RBFOX1: variants seen among roughly 807,000 people sequenced by gnomAD.
RBFOX1 encodes the protein RNA binding protein fox-1 homolog 1.
RBFOX1 carries 8 observed loss-of-function variants against 57.7 expected under a neutral mutation model. The observed-to-expected ratio is 0.14, with a 90% CI of 0.08 to 0.25. The LOEUF is 0.25. RBFOX1 is among the 10% of genes least tolerant of loss of function. The pLI is 1.00. For synonymous variants in RBFOX1, 326 were observed against 222.4 expected, an observed-to-expected ratio of 1.47 and a Z score of -4.15; for missense variants, 611 against 548.5, an observed-to-expected ratio of 1.11 and a Z score of -1.14.
intron 2 of RBFOX1, among the ~76,000 whole-genome samples, chr16:6,338,777 T>C (rs1032919232): frequency 1.3e-5 from 2 of 152,238 alleles, no homozygotes; most frequent in African/African-American, 2.4e-5. Context: ...GTGACCATTA[T>C]TATGTTCACT....
rs1434280980 is a variant in RBFOX1, at chr16:5,425,102, TATC to T, written c.220-42113_220-42111del. On this transcript the variant is annotated intron_variant, in intron 1 of 2. Transcript: ENST00000585867. ...CTATCTATCTATCTATCTATCTATCTATCTATCTATCTATCTATCTTGAGACAG... is the reference window on the plus strand; with the variant it reads ...CTATCTATCTATCTATCTATCTATCTTATCTATCTATCTATCTTGAGACAG... 4.7e-5 allele frequency among the ~76,000 whole-genome samples: 7 copies of T among 148,990 alleles called. No individual in the cohort carries two copies. In the East Asian group the frequency reaches 7.9e-4, roughly 17 times the overall value.
intron 1 of RBFOX1, among the ~76,000 whole-genome samples, chr16:6,255,121 A>G (rs567952013): frequency 1.6e-3 from 244 of 152,284 alleles, no homozygotes; most frequent in African/African-American, 5.7e-3. Context: ...AGAGAGATAA[A>G]CAAGAAAGAA....
At chr16:6,598,838 C>A (rs959639917) in intron 2 of RBFOX1, among the ~76,000 whole-genome samples, 5 of 143,592 alleles carry the variant, frequency 3.5e-5, no homozygotes, top group African/African-American at 1.5e-4. Flanking sequence ...CCCAGCTACT[C>A]GGGAGGCTGA....
chr16:7,380,834 G>A (rs535385430), intron 4 of RBFOX1, among the ~76,000 whole-genome samples: 1 of 152,186 alleles, frequency 6.6e-6, no homozygotes, highest in Non-Finnish European at 1.5e-5. Flanking sequence ...AGAAGCAGGG[G>A]TCTTCTCCCT....
rs540735289 is a variant in RBFOX1 at position 5,442,782 on chromosome 16, T to C, written c.220-24434T>C. ...AAGCAGGTGCTGTCATTATTCCCTG[T>C]TGTGGACTGAATACTGTCTCTTCCC... On this transcript the variant is annotated intron_variant, in intron 1 of 2. Transcript: ENST00000585867. Among the ~76,000 whole-genome samples the C allele has an allele frequency of 7.9e-5, 12 of 152,306 alleles. No individual in the cohort carries two copies. In the East Asian group the frequency reaches 2.1e-3, roughly 27 times the overall value.
intron 3 of RBFOX1, among the ~76,000 whole-genome samples, chr16:6,901,272 TTCTG>T (rs1483309358): frequency 6.6e-6 from 1 of 152,196 alleles, no homozygotes; most frequent in Admixed American, 6.5e-5. Context: ...TGTTCATCTC[TTCTG>T]TCTAAGCCCA....
chr16:6,215,940 G>A (rs992949323), intron 1 of RBFOX1, among the ~76,000 whole-genome samples: 12 of 152,168 alleles, frequency 7.9e-5, no homozygotes, highest in Non-Finnish European at 8.8e-5. Context: ...TAACTGGGAA[G>A]ATCACAGCCG....
intron 4 of RBFOX1, among the ~76,000 whole-genome samples, chr16:7,191,658 G>T (rs912276155): frequency 6.6e-6 from 1 of 152,182 alleles, no homozygotes; most frequent in African/African-American, 2.4e-5. Context: ...ATTACAGTGC[G>T]TGTTTCCGTC....
rs570895324 is a variant in RBFOX1 at position 7,405,464 on chromosome 16, T to C, written c.28-112683T>C. ...CCGGGCGAAGTGTGTTCCCAGCTGC[T>C]CTGGAACACTCGGGCTGTTCTGAAG... On this transcript the variant is annotated intron_variant, in intron 4 of 15. Transcript: ENST00000550418. 7.2e-5 allele frequency among the ~76,000 whole-genome samples: 11 copies of C among 152,304 alleles called. No homozygotes were observed. In the East Asian group the frequency reaches 1.9e-3, roughly 27 times the overall value.
At position 6,392,542 on chromosome 16, in the gene RBFOX1, A is replaced by G. The variant is rs186400997; in HGVS notation, c.-64+75485A>G. Among the ~76,000 whole-genome samples, 146 of 152,334 alleles carry G rather than the reference A, an allele frequency of 9.6e-4. 2 individuals are homozygous for G. The highest frequency in any genetic ancestry group is 1.7e-3 in the Non-Finnish European group (118 of 68,036). ...TAAAGTTAAAGCTAAATGTCATTGT[A>G]TTCTATGCTTGCTGTAAGGTCAAAA... On this transcript the variant is annotated intron_variant, in intron 2 of 15. Coordinates refer to ENST00000550418, the MANE Select transcript of RBFOX1 (RefSeq NM_018723.4).
chr16:7,160,314 C>G (rs958799172), intron 4 of RBFOX1, among the ~76,000 whole-genome samples: 25 of 152,092 alleles, frequency 1.6e-4, no homozygotes, highest in African/African-American at 6.0e-4. Flanking sequence ...GTCTTCTGGA[C>G]TTTGACTGCC....
intron 11 of RBFOX1, among the ~76,000 whole-genome samples, chr16:7,652,632 T>A (rs1397378121): frequency 6.6e-6 from 1 of 152,152 alleles, no homozygotes; most frequent in East Asian, 1.9e-4. Flanking sequence ...GGTCTCGAAC[T>A]CCTGACCTCA....
At chr16:5,438,665 TC>T (rs1195021883) in intron 1 of RBFOX1, among the ~76,000 whole-genome samples, 11 of 152,094 alleles carry the variant, frequency 7.2e-5, no homozygotes, top group Admixed American at 4.6e-4. Context: ...AATTGCACCC[TC>T]TTATGGGAAG....
At chr16:7,625,493 T>A (rs7200228) in intron 10 of RBFOX1, among the ~76,000 whole-genome samples, 2 of 151,932 alleles carry the variant, frequency 1.3e-5, no homozygotes, top group African/African-American at 4.8e-5. Flanking sequence ...ACTTCCTGCA[T>A]GGGGGCCCCA....
At chr16:6,797,492 C>T (rs2084355930) in intron 3 of RBFOX1, among the ~76,000 whole-genome samples, 1 of 152,120 alleles carries the variant, frequency 6.6e-6, no homozygotes, top group Admixed American at 6.6e-5. Flanking sequence ...CCAGTACAAG[C>T]CTAATGTTGC....
At chr16:7,164,958 C>T (rs2079114724) in intron 4 of RBFOX1, among the ~76,000 whole-genome samples, 1 of 152,098 alleles carries the variant, frequency 6.6e-6, no homozygotes, top group Non-Finnish European at 1.5e-5. Flanking sequence ...GAGTTGGCAG[C>T]GTGTATCACA....
At chr16:5,916,867 C>T (rs545909212) in intron 4 of RBFOX1, among the ~76,000 whole-genome samples, 8 of 152,090 alleles carry the variant, frequency 5.3e-5, no homozygotes, top group East Asian at 1.9e-4. Context: ...GCTCTCCTGA[C>T]GGGGGAAAGC....
chr16:6,946,982 G>C (rs2079662386), intron 3 of RBFOX1, among the ~76,000 whole-genome samples: 1 of 152,146 alleles, frequency 6.6e-6, no homozygotes, highest in Non-Finnish European at 1.5e-5. Flanking sequence ...ATCCCAGCCT[G>C]ACCAGTTTCC....
At chr16:7,593,265 T>C (rs2094534095) in intron 7 of RBFOX1, among the ~76,000 whole-genome samples, 1 of 152,164 alleles carries the variant, frequency 6.6e-6, no homozygotes, top group Admixed American at 6.5e-5. Flanking sequence ...TCAGGAATCT[T>C]AATGTTTAAT....
Sources: gnomAD v4.1 joint callset for allele counts (sites outside exome capture counted in the v4.1 genomes callset) on GRCh38, gnomAD v4.1.1 for gene constraint, MANE v1.5 for transcripts, NCBI Gene and HGNC (gene_info 2026-07-23, HGNC 2026-07-21) for gene names.